VDR: variants seen among roughly 807,000 people sequenced by gnomAD.
VDR encodes the protein vitamin D receptor, also known as vitamin D3 receptor.
Under a neutral mutation model 39.7 loss-of-function variants are expected in VDR, and 19 were observed. The ratio of observed to expected loss-of-function variants is 0.48; its 90% CI spans 0.33 to 0.70. The LOEUF (loss-of-function observed/expected upper bound fraction) is 0.70. Among genes scored for constraint, VDR ranks in the 30% least tolerant of loss-of-function variants. The probability of loss-of-function intolerance (pLI) is 0.02; values close to 1 mark genes in which losing one functional copy is unlikely to be tolerated. For missense variants in VDR, 442 were observed against 570.5 expected, an observed-to-expected ratio of 0.77 and a Z score of 2.29; for synonymous variants, 242 against 215.8, an observed-to-expected ratio of 1.12 and a Z score of -1.07.
chr12:47,900,132 CA>C (rs1946533366), intron 1 of VDR, among the ~76,000 whole-genome samples: 1 of 152,176 alleles, frequency 6.6e-6, no homozygotes, highest in Non-Finnish European at 1.5e-5. Flanking sequence ...AATTTCTCTG[CA>C]CAATCCTACC....
At position 47,846,654 on chromosome 12, in the gene VDR, T is replaced by C; in HGVS notation, c.907+3A>G. The C allele has an allele frequency of 6.2e-7, 1 of 1,613,498 alleles. No homozygotes were observed. Among genetic ancestry groups the C allele is most frequent in the Non-Finnish European group, 8.5e-7 (1 of 1,180,038 alleles). ...CTCCCCAGGAGGTGGAGTCTAGGCA[T>C]ACCTTTGGTCACGTCACTGACGCGG... On this transcript the variant is annotated splice_donor_region_variant and intron_variant, in intron 8 of 9. Transcript: ENST00000549336.
At chr12:47,851,835 C>A (rs902432503) in intron 7 of VDR, among the ~76,000 whole-genome samples, 6 of 152,232 alleles carry the variant, frequency 3.9e-5, no homozygotes, top group Admixed American at 3.3e-4. Flanking sequence ...CCAACCCTAG[C>A]ATGTTCAGGA....
At chr12:47,876,578 G>C (rs1269169034) in intron 3 of VDR, among the ~76,000 whole-genome samples, 1 of 152,176 alleles carries the variant, frequency 6.6e-6, no homozygotes, top group Non-Finnish European at 1.5e-5. Context: ...AGACTCTAAG[G>C]GCTCTTGTCA....
intron 3 of VDR, among the ~76,000 whole-genome samples, chr12:47,877,081 CG>C (rs1420301088): frequency 5.3e-5 from 8 of 152,132 alleles, no homozygotes; most frequent in African/African-American, 1.9e-4. Context: ...AGTCTGGTGA[CG>C]GAATGAGTGA....
chr12:47,863,560 G>A (rs1468730206), intron 4 of VDR, among the ~76,000 whole-genome samples: 1 of 152,180 alleles, frequency 6.6e-6, no homozygotes, highest in Non-Finnish European at 1.5e-5. Flanking sequence ...CCCTGAGCAG[G>A]GCCCACTGAG....
chr12:47,872,888 A>G lies in VDR; in HGVS notation c.146+6080T>C, dbSNP rs563797404. ...GGTCAGTATTTTACATACTATCTCC[A>G]ATGCTCTCGACAACCTTTGGGTAGA... is the stretch of plus-strand genomic sequence containing the variant. On this transcript the variant is annotated intron_variant, in intron 3 of 9. Coordinates refer to ENST00000549336, the MANE Select transcript of VDR (RefSeq NM_000376.3). Among the ~76,000 whole-genome samples, 172 of 152,354 alleles carry G rather than the reference A, an allele frequency of 1.1e-3. 4 individuals are homozygous for G. Among genetic ancestry groups the G allele is most frequent in the African/African-American group, 4.0e-3 (165 of 41,574 alleles).
In VDR at chr12:47,860,937, C is replaced by A. The variant is rs903132012; in HGVS notation, c.278-3249G>T. Reference sequence around the variant, plus strand: ...TATCTATAAGGCACTATTCTGAGAGCCTTTTGTATATTAACTCATATATTT... The same window carrying A: ...TATCTATAAGGCACTATTCTGAGAGACTTTTGTATATTAACTCATATATTT... On this transcript the variant is annotated intron_variant, in intron 4 of 9. Coordinates refer to ENST00000549336, the MANE Select transcript of VDR (RefSeq NM_000376.3). Among the ~76,000 whole-genome samples the A allele has an allele frequency of 2.0e-5, 3 of 152,294 alleles. No homozygotes were observed. In the East Asian group the frequency reaches 5.8e-4, roughly 29 times the overall value.
At chr12:47,861,787 G>C (rs2107301) in intron 4 of VDR, among the ~76,000 whole-genome samples, 1 of 152,062 alleles carries the variant, frequency 6.6e-6, no homozygotes, top group African/African-American at 2.4e-5. Context: ...ATAATTTTGC[G>C]CAAGTTATTC....
chr12:47,855,356 A>AATT (rs1945462373), intron 7 of VDR, among the ~76,000 whole-genome samples: 2 of 150,492 alleles, frequency 1.3e-5, no homozygotes, highest in African/African-American at 4.9e-5. Flanking sequence ...ATAAATAAAT[A>AATT]AATAAATAAA....
At position 47,860,957 on chromosome 12, in the gene VDR, A is replaced by G. The variant is rs74859055; in HGVS notation, c.278-3269T>C. The stretch of plus-strand genomic sequence containing the variant: ...GAGAGCCTTTTGTATATTAACTCAT[A>G]TATTTAGCCCTCATGACAACCCTTT... On this transcript the variant is annotated intron_variant, in intron 4 of 9. Coordinates refer to ENST00000549336, the MANE Select transcript of VDR (RefSeq NM_000376.3). Among the ~76,000 whole-genome samples, 1,403 of 152,336 alleles carry G rather than the reference A, an allele frequency of 9.2e-3. 25 individuals carry two copies. The highest frequency in any genetic ancestry group is 0.032 in the African/African-American group (1,334 of 41,568).
rs1945705175 is a variant in VDR at position 47,865,192 on chromosome 12, C to T, written c.147-15G>A. ...TCATGCTTCGCCTGCCGAGAGAGCA[C>T]ACACCCTGCCCTGGGTCACTGAACT... On this transcript the variant is annotated splice_polypyrimidine_tract_variant and intron_variant, in intron 3 of 9. Coordinates refer to ENST00000549336, the MANE Select transcript of VDR (RefSeq NM_000376.3). The T allele has an allele frequency of 6.2e-7, 1 of 1,609,918 alleles. No homozygotes were observed. The highest frequency in any genetic ancestry group is 1.7e-5 in the Admixed American group (1 of 59,942).
At chr12:47,875,296 A>G (rs1165036477) in intron 3 of VDR, among the ~76,000 whole-genome samples, 1 of 152,250 alleles carries the variant, frequency 6.6e-6, no homozygotes, top group Non-Finnish European at 1.5e-5. Context: ...ACTGGTCTCC[A>G]GGGCTTGGAA....
chr12:47,901,668 G>A (rs1946562931), intron 1 of VDR: 1 of 153,002 alleles, frequency 6.5e-6, no homozygotes, highest in Non-Finnish European at 1.5e-5. Context: ...GGGATAGTGT[G>A]GTCCCCAGAG....
intron 4 of VDR, among the ~76,000 whole-genome samples, chr12:47,863,795 C>T (rs551097904): frequency 4.6e-5 from 7 of 152,256 alleles, no homozygotes; most frequent in African/African-American, 1.7e-4. Context: ...GGAGTCATGA[C>T]CCACAGAAGA....
intron 4 of VDR, among the ~76,000 whole-genome samples, chr12:47,862,801 T>G (rs1945652015): frequency 1.3e-5 from 2 of 152,242 alleles, no homozygotes; most frequent in African/African-American, 2.4e-5. Flanking sequence ...GACTTCACAC[T>G]GGTGAGGCCT....
At chr12:47,893,626 G>A (rs960361004) in intron 1 of VDR, among the ~76,000 whole-genome samples, 4 of 152,262 alleles carry the variant, frequency 2.6e-5, no homozygotes, top group South Asian at 2.1e-4. Context: ...GTTGATGGGC[G>A]CAGAGAGAGG....
intron 1 of VDR, among the ~76,000 whole-genome samples, chr12:47,897,718 C>T (rs1054298492): frequency 6.6e-6 from 1 of 152,132 alleles, no homozygotes; most frequent in South Asian, 2.1e-4. Context: ...ATGGCATCGC[C>T]TCTGTTCCCT....
intron 1 of VDR, among the ~76,000 whole-genome samples, chr12:47,894,275 C>T (rs1946424042): frequency 6.6e-6 from 1 of 152,224 alleles, no homozygotes; most frequent in Admixed American, 6.5e-5. Flanking sequence ...GCCAGGCCTG[C>T]TGCCCACCGG....
chr12:47,872,068 T>C (rs1376323181), intron 3 of VDR, among the ~76,000 whole-genome samples: 1 of 152,270 alleles, frequency 6.6e-6, no homozygotes, highest in East Asian at 1.9e-4. Context: ...TCTTAAACTG[T>C]TGGCTTTTTA....
Sources: gnomAD v4.1 joint callset for allele counts (sites outside exome capture counted in the v4.1 genomes callset) on GRCh38, gnomAD v4.1.1 for gene constraint, MANE v1.5 for transcripts, NCBI Gene and HGNC (gene_info 2026-07-23, HGNC 2026-07-21) for gene names.